The following ESCO2 variants were observed in gnomAD, a reference collection of about 807,000 sequenced individuals.
ESCO2 encodes establishment of sister chromatid cohesion N-acetyltransferase 2, also known as N-acetyltransferase ESCO2.
A neutral mutation model predicts 61.7 loss-of-function variants in ESCO2; 51 were observed. That is an observed-to-expected ratio of 0.83 (90% confidence interval 0.66 to 1.04). The LOEUF (loss-of-function observed/expected upper bound fraction) is 1.04. ESCO2 is among the 50% of genes least tolerant of loss of function. The pLI is 0.00. For missense variants in ESCO2, 692 were observed against 686.2 expected, an observed-to-expected ratio of 1.01 and a Z score of -0.09; for synonymous variants, 230 against 238.2, an observed-to-expected ratio of 0.97 and a Z score of 0.32.
intron 4 of ESCO2, among the ~76,000 whole-genome samples, chr8:27,781,000 AAG>A (rs1804914837): frequency 6.6e-6 from 1 of 152,204 alleles, no homozygotes; most frequent in African/African-American, 2.4e-5. Context: ...ATATAACAAA[AAG>A]GCATCTACTT....
At chr8:27,772,618 G>A (rs1804673461), upstream of ESCO2, 1 of 1,452,152 alleles carries the variant, frequency 6.9e-7, no homozygotes, top group Non-Finnish European at 9.4e-7. Context: ...CAGACTCGCG[G>A]CGGCCGCCTG....
chr8:27,798,389 G>C (rs1157568839), intron 9 of ESCO2, among the ~76,000 whole-genome samples: 2 of 152,112 alleles, frequency 1.3e-5, no homozygotes, highest in African/African-American at 4.8e-5. Flanking sequence ...GAACCCAGGA[G>C]GTGGAGGTTG....
At chr8:27,807,028 A>G (rs1290921231), downstream of ESCO2, among the ~76,000 whole-genome samples, 20 of 152,160 alleles carry the variant, frequency 1.3e-4, no homozygotes, top group Admixed American at 1.3e-3. Context: ...TCTAAACTTA[A>G]TTAATTCTAA....
Position 27,776,354 on chromosome 8 carries a change from T to C in ESCO2, c.54-8T>C. The C allele has an allele frequency of 1.3e-6, 2 of 1,598,170 alleles. No homozygotes were observed. The highest frequency in any genetic ancestry group is 1.7e-6 in the Non-Finnish European group (2 of 1,170,876). On this transcript the variant is annotated splice_region_variant and splice_polypyrimidine_tract_variant and intron_variant, in intron 2 of 10. Transcript: ENST00000305188. ...AATCTTATCAATGGACTTTGTTTCTTTTTATAGCCTTTTACACTTCACTGA... is the reference window on the plus strand; with the variant it reads ...AATCTTATCAATGGACTTTGTTTCTCTTTATAGCCTTTTACACTTCACTGA...
chr8:27,797,968 A>C (rs1451203221), intron 9 of ESCO2, among the ~76,000 whole-genome samples: 2 of 152,144 alleles, frequency 1.3e-5, no homozygotes, highest in African/African-American at 2.4e-5. Context: ...GTTCTCTTCT[A>C]CTCTCAGGTC....
chr8:27,817,028 A>G (rs73682011), downstream of ESCO2, among the ~76,000 whole-genome samples: 1,152 of 152,200 alleles, frequency 7.6e-3, 12 homozygotes, highest in African/African-American at 0.026. Context: ...TCAGAGGCAA[A>G]TCTCACAAAT....
chr8:27,804,081 T>A lies in ESCO2; in HGVS notation c.*643T>A. On this transcript the variant is annotated 3_prime_UTR_variant, in exon 11 of 11. Transcript: ENST00000305188. Reference sequence around the variant, plus strand: ...TCACTTGATAGGCACTCGTCTGTAGTAACTCAGTTTGAATATCTTTAGAAA... The same window carrying A: ...TCACTTGATAGGCACTCGTCTGTAGAAACTCAGTTTGAATATCTTTAGAAA... The A allele has an allele frequency of 1.0e-6, 1 of 985,456 alleles. No individual in the cohort carries two copies. The highest frequency in any genetic ancestry group is 4.7e-5 in the South Asian group (1 of 21,282). The allele number at this position is 985,456 out of a possible 1,614,324, so 61.0% of individuals were successfully genotyped here.
upstream of ESCO2, chr8:27,772,012 A>T (rs1278589343): frequency 6.4e-6 from 1 of 155,484 alleles, no homozygotes; most frequent in Non-Finnish European, 1.4e-5. Context: ...TGGACATCCC[A>T]GGGTCTTTTT....
rs144899340 is a variant in ESCO2 at position 27,792,152 on chromosome 8, G to A, written c.1353+100G>A. The A allele has an allele frequency of 4.9e-3, 5,321 of 1,075,518 alleles. 20 individuals are homozygous for A. Among genetic ancestry groups the A allele is most frequent in the Middle Eastern group, 0.012 (62 of 4,990 alleles). 66.6% of individuals were successfully genotyped at this position (1,075,518 alleles called of 1,614,324 possible). On this transcript the variant is annotated intron_variant, in intron 8 of 10. Transcript: ENST00000305188. ...CCTTTGCTGACAGATAATTCACTTG[G>A]GTACCTGCTTAATGATTACTTTCAT...
At chr8:27,807,702 G>A (rs969580603), downstream of ESCO2, among the ~76,000 whole-genome samples, 1 of 152,100 alleles carries the variant, frequency 6.6e-6, no homozygotes, top group African/African-American at 2.4e-5. Context: ...TCTATTTCCT[G>A]TAAGTTTTAA....
At chr8:27,772,641 C>T (rs533905336), upstream of ESCO2, 64 of 1,150,762 alleles carry the variant, frequency 5.6e-5, no homozygotes, top group African/African-American at 8.1e-4. Context: ...CCCCGGAACT[C>T]CTCCGTGCAC....
At chr8:27,810,297 G>A (rs777198967), downstream of ESCO2, 3 of 1,592,378 alleles carry the variant, frequency 1.9e-6, no homozygotes, top group Non-Finnish European at 2.6e-6. Flanking sequence ...CTTCAGCTGA[G>A]ATGATCACTA....
rs1804895226 is a variant in ESCO2 at position 27,780,257 on chromosome 8, G to GAA, written c.946_947dup (p.Asn316LysfsTer26). The stretch of plus-strand genomic sequence containing the variant: ...TTTCTTCAGAGGATTCTCTTGGTGA[G>GAA]AATAAGACAAGTAAGAGAAAACTCG... On this transcript the variant is annotated frameshift_variant, in exon 4 of 11. Transcript: ENST00000305188. LOFTEE classifies it high-confidence loss of function. 6.2e-7 allele frequency: 1 copy of GAA among 1,603,264 alleles called. No homozygotes were observed. Among genetic ancestry groups the GAA allele is most frequent in the Non-Finnish European group, 8.5e-7 (1 of 1,170,720 alleles).
downstream of ESCO2, among the ~76,000 whole-genome samples, chr8:27,807,789 C>G (rs983014025): frequency 5.3e-5 from 8 of 152,124 alleles, no homozygotes; most frequent in African/African-American, 1.9e-4. Flanking sequence ...AACCCTGTCC[C>G]CCAAGATGAT....
intron 10 of ESCO2, among the ~76,000 whole-genome samples, chr8:27,802,384 T>C (rs1805450292): frequency 1.3e-5 from 2 of 150,346 alleles, no homozygotes; most frequent in African/African-American, 2.4e-5. Flanking sequence ...TTACCTAAGG[T>C]TGGAAGTTCA....
intron 4 of ESCO2, among the ~76,000 whole-genome samples, chr8:27,781,919 T>C (rs1435381634): frequency 6.6e-6 from 1 of 152,224 alleles, no homozygotes; most frequent in Non-Finnish European, 1.5e-5. Context: ...AACTAAACTC[T>C]AAACTTTATT....
chr8:27,817,149 C>CTG (rs1805833472), downstream of ESCO2, among the ~76,000 whole-genome samples: 1 of 152,128 alleles, frequency 6.6e-6, no homozygotes, highest in South Asian at 2.1e-4. Flanking sequence ...GGTAAAGGAG[C>CTG]TGCCAACACA....
rs748624179 is a variant in ESCO2, at chr8:27,775,534, G to A, written c.20G>A (p.Arg7Lys). Residue 7 changes from arginine to lysine, a missense_variant, in exon 2 of 11, where the codon AGG (arginine) becomes AAG (lysine). Coordinates refer to ENST00000305188, the MANE Select transcript of ESCO2 (RefSeq NM_001017420.3). MAALTP[R>K]KRKQDSLKCD... The stretch of plus-strand genomic sequence containing the variant: ...AAGAAAATGGCAGCTCTTACTCCAA[G>A]GAAGAGGAAGCAGGATTCTTTGAAG... 4.3e-6 allele frequency: 7 copies of A among 1,613,984 alleles called. No homozygotes were observed. The Admixed American group carries it at 1.2e-4, about 27-fold the overall frequency.
chr8:27,796,755 C>T (rs1201683154), intron 9 of ESCO2, among the ~76,000 whole-genome samples: 1 of 152,094 alleles, frequency 6.6e-6, no homozygotes, highest in Non-Finnish European at 1.5e-5. Flanking sequence ...AAAGAGTGTG[C>T]ATTCATTCCG....
Sources: allele counts gnomAD v4.1 joint callset (sites outside exome capture counted in the v4.1 genomes callset), GRCh38; gene constraint gnomAD v4.1.1; transcripts MANE v1.5; gene names NCBI Gene and HGNC (gene_info 2026-07-23, HGNC 2026-07-21).